Variants in YLPM1 observed in about 807,000 individuals in gnomAD.
YLPM1 encodes the protein YLP motif-containing protein 1.
In YLPM1, 99 loss-of-function variants were observed where a neutral mutation model predicts 230.0. That is an observed-to-expected ratio of 0.43 (90% CI 0.37 to 0.51). The LOEUF is 0.51. YLPM1 is among the 20% of genes least tolerant of loss of function. The pLI, the probability that YLPM1 is intolerant of heterozygous loss-of-function variation, is 0.00. For missense variants in YLPM1, 2,592 were observed against 2,707.7 expected, an observed-to-expected ratio of 0.96 and a Z score of 0.95; for synonymous variants, 984 against 942.5, an observed-to-expected ratio of 1.04 and a Z score of -0.81.
At chr14:74,804,624 C>T (rs1367081953) in intron 6 of YLPM1, among the ~76,000 whole-genome samples, 2 of 152,232 alleles carry the variant, frequency 1.3e-5, no homozygotes, top group Admixed American at 6.5e-5. Flanking sequence ...ACTATTTTCT[C>T]TTCCACCTAT....
At chr14:74,774,167 G>A (rs919472019) in intron 1 of YLPM1, among the ~76,000 whole-genome samples, 1 of 152,214 alleles carries the variant, frequency 6.6e-6, no homozygotes, top group South Asian at 2.1e-4. Flanking sequence ...CCATAGTTTA[G>A]CCTAGCTATT....
chr14:74,789,808 G>A (rs1478055390), intron 4 of YLPM1, among the ~76,000 whole-genome samples: 1 of 151,182 alleles, frequency 6.6e-6, no homozygotes, highest in African/African-American at 2.4e-5. Context: ...ATTTTTTGTA[G>A]AGATGGGATC....
chr14:74,790,304 A>G (rs1406462226), intron 4 of YLPM1, among the ~76,000 whole-genome samples: 1 of 152,164 alleles, frequency 6.6e-6, no homozygotes, highest in Non-Finnish European at 1.5e-5. Flanking sequence ...GTGATAACTT[A>G]TCTTTGGGAA....
intron 8 of YLPM1, 67 bp from the exon 9 acceptor site, chr14:74,810,158 A>G (rs539603458): frequency 1.5e-4 from 228 of 1,551,192 alleles, no homozygotes; most frequent in Admixed American, 2.0e-4. Context: ...CTGAAGTTAG[A>G]TTTATAGTTT....
At chr14:74,824,635 A>G (rs917544517) in intron 18 of YLPM1, among the ~76,000 whole-genome samples, 10 of 152,224 alleles carry the variant, frequency 6.6e-5, no homozygotes, top group Middle Eastern at 3.4e-3. Context: ...TTTTTAAAGA[A>G]TATTTAAATG....
intron 2 of YLPM1, among the ~76,000 whole-genome samples, chr14:74,779,641 C>CTTT (rs10715703): frequency 7.1e-6 from 1 of 140,386 alleles, no homozygotes; most frequent in Admixed American, 7.1e-5. Flanking sequence ...TTAAGGTTCA[C>CTTT]TTTTTTTTTT....
In YLPM1 at chr14:74,809,500, C is replaced by T; in HGVS notation, c.4642C>T (p.Pro1548Ser). 1 of 1,583,354 alleles carries T rather than the reference C, an allele frequency of 6.3e-7. No individual in the cohort carries two copies. The highest frequency in any genetic ancestry group is 8.6e-7 in the Non-Finnish European group (1 of 1,163,992). The change falls in exon 7 of 21, where the codon CCA (proline) becomes TCA (serine). Residue 1548 changes from proline to serine, a missense_variant. Around this residue, in one of 4 missense-constraint regions of YLPM1, gnomAD observed 403 missense variants for 426.7 expected, o/e 0.94. Coordinates refer to ENST00000325680, the MANE Select transcript of YLPM1 (RefSeq NM_019589.3). Reference sequence around the variant, plus strand: ...GACCAGGCCACCTGTCCCAATACCACCACCTCCACCTCCTCCACCTCTACC... The same window carrying T: ...GACCAGGCCACCTGTCCCAATACCATCACCTCCACCTCCTCCACCTCTACC... ...PVTRPPVPIP[P>S]PPPPPPLPPP... is the part of the protein sequence containing the mutation.
At position 74,764,428 on chromosome 14, in the gene YLPM1, C is replaced by T; in HGVS notation, c.873+66C>T. The T allele has an allele frequency of 2.7e-6, 4 of 1,475,722 alleles. No homozygotes were observed. In the South Asian group the frequency reaches 5.6e-5, roughly 21 times the overall value. 91.4% of individuals were successfully genotyped at this position (1,475,722 alleles called of 1,614,324 possible). On this transcript the variant is annotated intron_variant, in intron 1 of 20. Coordinates refer to ENST00000325680, the MANE Select transcript of YLPM1 (RefSeq NM_019589.3). Reference sequence around the variant, plus strand: ...GGCCCTGAATGAGCAGGCCTCAGGGCTTTAACCAGTGGTTAGTCTAATTCC... The same window carrying T: ...GGCCCTGAATGAGCAGGCCTCAGGGTTTTAACCAGTGGTTAGTCTAATTCC...
intron 4 of YLPM1, among the ~76,000 whole-genome samples, chr14:74,784,761 A>T (rs2140093345): frequency 6.6e-6 from 1 of 152,330 alleles, no homozygotes; most frequent in Admixed American, 6.5e-5. Context: ...GCATGTCACT[A>T]CAGTTATTTA....
In YLPM1 at chr14:74,763,805, C is replaced by G; in HGVS notation, c.316C>G (p.Pro106Ala). 1 of 1,516,674 alleles carries G rather than the reference C, an allele frequency of 6.6e-7. No individual in the cohort carries two copies. The highest frequency in any genetic ancestry group is 1.3e-5 in the South Asian group (1 of 76,188). 94.0% of individuals were successfully genotyped at this position (1,516,674 alleles called of 1,614,324 possible). A position where few individuals can be genotyped will look rare whatever the true frequency, so the allele number is the denominator to read the frequency against. ...CGGAGACTGGCAGCCGCCACCGCCA[C>G]CGATGCCCCCGCCACCCGGGCCGGC... ...GYGDWQPPPP[P>A]MPPPPGPALS... is the part of the protein sequence containing the mutation. The change falls in exon 1 of 21, where the codon CCG (proline) becomes GCG (alanine). Residue 106 changes from proline (P) to alanine (A), a missense_variant. By Grantham distance (27) the Pro-to-Ala change is conservative. Around this residue, in one of 4 missense-constraint regions of YLPM1, gnomAD observed 1,862 missense variants for 1,819.8 expected, o/e 1.02. Coordinates refer to ENST00000325680, the MANE Select transcript of YLPM1 (RefSeq NM_019589.3).
intron 6 of YLPM1, 146 bp downstream of exon 6, chr14:74,802,822 A>C: frequency 2.5e-5 from 24 of 968,720 alleles, no homozygotes; most frequent in Non-Finnish European, 3.5e-5. Flanking sequence ...TGGTAATTGA[A>C]CTTTGAACAC....
chr14:74,820,206 C>T (rs1046671894), intron 16 of YLPM1, among the ~76,000 whole-genome samples: 1 of 152,176 alleles, frequency 6.6e-6, no homozygotes, highest in African/African-American at 2.4e-5. Flanking sequence ...AATTAGAACC[C>T]TAACCACTTG....
intron 6 of YLPM1, among the ~76,000 whole-genome samples, chr14:74,803,578 C>G (rs1015397232): frequency 6.6e-6 from 1 of 152,204 alleles, no homozygotes; most frequent in African/African-American, 2.4e-5. Context: ...CCTTTGTACG[C>G]ATCTACCTGT....
At chr14:74,815,561 C>CA (rs746833102) in intron 11 of YLPM1, among the ~76,000 whole-genome samples, 1,922 of 114,074 alleles carry the variant, frequency 0.017, 15 homozygotes, top group African/African-American at 0.037. Flanking sequence ...GACTCCATCT[C>CA]AAAAAAAAAA....
At chr14:74,776,987 C>T (rs940421165) in intron 1 of YLPM1, among the ~76,000 whole-genome samples, 1 of 151,746 alleles carries the variant, frequency 6.6e-6, no homozygotes, top group Non-Finnish European at 1.5e-5. Context: ...GCACAGGAGG[C>T]GGAGGTGGCA....
At chr14:74,766,947 G>A (rs1379034774) in intron 1 of YLPM1, among the ~76,000 whole-genome samples, 39 of 146,920 alleles carry the variant, frequency 2.7e-4, no homozygotes, top group Non-Finnish European at 1.2e-4. Context: ...GCAGTGGCGC[G>A]ATCTTGGCTC....
At chr14:74,795,981 T>G (rs1445852237) in intron 4 of YLPM1, among the ~76,000 whole-genome samples, 2 of 152,194 alleles carry the variant, frequency 1.3e-5, no homozygotes, top group Non-Finnish European at 2.9e-5. Flanking sequence ...ATGTGCCCTT[T>G]CCTTTAAGGG....
At chr14:74,820,967 A>G in intron 16 of YLPM1, 90 bp from the exon 17 acceptor site, 1 of 1,335,738 alleles carries the variant, frequency 7.5e-7, no homozygotes, top group Non-Finnish European at 9.7e-7. Flanking sequence ...TGCTCTGGGC[A>G]ACTGTATTCA....
At chr14:74,828,587 T>C (rs2140144755) in intron 18 of YLPM1, among the ~76,000 whole-genome samples, 2 of 152,312 alleles carry the variant, frequency 1.3e-5, no homozygotes, top group South Asian at 4.1e-4. Flanking sequence ...GGTAAAATTG[T>C]CTGACTAGCC....
Sources: gnomAD v4.1 joint callset for allele counts (sites outside exome capture counted in the v4.1 genomes callset) on GRCh38, gnomAD v4.1.1 for gene constraint, gnomAD v4.1.1 regional missense constraint, MANE v1.5 for transcripts, NCBI Gene and HGNC (gene_info 2026-07-23, HGNC 2026-07-21) for gene names.